Variants in ERC1 observed in about 807,000 individuals in gnomAD.
ERC1 encodes the protein ELKS/RAB6-interacting/CAST family member 1.
In ERC1, 56 loss-of-function variants were observed where a neutral mutation model predicts 132.0. That is an observed-to-expected ratio of 0.42 (90% CI 0.34 to 0.53). The LOEUF (loss-of-function observed/expected upper bound fraction) is 0.53. ERC1 is among the 20% of genes least tolerant of loss of function. ERC1 has a pLI of 0.03. For missense variants in ERC1, 1,202 were observed against 1,349.9 expected (o/e 0.89, Z 1.72); for synonymous variants, 478 against 476.1 (o/e 1.00, Z -0.05).
rs57334239 is a variant in ERC1, at chr12:1,289,084, TACACACAC to T, written c.2620-728_2620-721del. ...TTCTGTCTCCTTTCTATCTGGTATGTACACACACACACACACACACACACACACACACA... is the reference window on the plus strand; with the variant it reads ...TTCTGTCTCCTTTCTATCTGGTATGTACACACACACACACACACACACACA... On this transcript the variant is annotated intron_variant, in intron 14 of 18. Coordinates refer to ENST00000360905, the MANE Select transcript of ERC1 (RefSeq NM_178040.4). 5.7e-3 allele frequency among the ~76,000 whole-genome samples: 583 copies of T among 102,868 alleles called. 6 individuals are homozygous for T. Among genetic ancestry groups the T allele is most frequent in the Middle Eastern group, 0.023 (5 of 222 alleles). The allele number at this position is 102,868 out of a possible 152,430, so 67.5% of individuals were successfully genotyped here.
At chr12:1,087,807 TGA>T (rs1454189729) in intron 3 of ERC1, among the ~76,000 whole-genome samples, 19 of 15,074 alleles carry the variant, frequency 1.3e-3, no homozygotes, top group East Asian at 2.5e-3. Context: ...TTGAAAGTGC[TGA>T]GATTACAGGC....
Position 1,188,213 on chromosome 12 carries a change from A to G in ERC1, c.2158-1646A>G, listed in dbSNP as rs114966297. On this transcript the variant is annotated intron_variant, in intron 11 of 18. Transcript: ENST00000360905. ...TTCGTCACCTTCTTTCTTCGTAGAT[A>G]CTAAGAATTTTCTCAGTTACTTCTG... is the stretch of plus-strand genomic sequence containing the variant. Among the ~76,000 whole-genome samples, 1,079 of 152,274 alleles carry G rather than the reference A, an allele frequency of 7.1e-3. 17 individuals are homozygous for G. The highest frequency in any genetic ancestry group is 0.023 in the African/African-American group (969 of 41,522).
intron 14 of ERC1, among the ~76,000 whole-genome samples, chr12:1,280,973 T>C (rs1169876904): frequency 6.6e-6 from 1 of 152,224 alleles, no homozygotes; most frequent in East Asian, 1.9e-4. Flanking sequence ...TGTGTCTAAT[T>C]AATGAAATGT....
chr12:1,019,762 TAGTGC>T (rs1966057235), intron 1 of ERC1, among the ~76,000 whole-genome samples: 1 of 152,050 alleles, frequency 6.6e-6, no homozygotes, highest in Non-Finnish European at 1.5e-5. Flanking sequence ...ATCCACGCTG[TAGTGC>T]AGTGGAACTA....
chr12:1,149,314 T>C, intron 8 of ERC1, among the ~76,000 whole-genome samples: 1 of 152,262 alleles, frequency 6.6e-6, no homozygotes, highest in South Asian at 2.1e-4. Flanking sequence ...GTTTAAACTT[T>C]TGAAATTTTG....
Position 1,031,939 on chromosome 12 carries a change from A to G in ERC1, c.669+3367A>G, listed in dbSNP as rs1046373453. 8.5e-5 allele frequency among the ~76,000 whole-genome samples: 13 copies of G among 152,234 alleles called. No homozygotes were observed. In the East Asian group the frequency reaches 1.9e-3, roughly 23 times the overall value. On this transcript the variant is annotated intron_variant, in intron 2 of 18. Transcript: ENST00000360905. ...CCTCCCTTCATACCAGCTAAGTACA[A>G]TCTCTGGAGATGGGGTCCAGGAACT...
At chr12:1,367,034 T>A (rs1192255316) in intron 15 of ERC1, among the ~76,000 whole-genome samples, 1 of 152,186 alleles carries the variant, frequency 6.6e-6, no homozygotes, top group Non-Finnish European at 1.5e-5. Flanking sequence ...GTAGTGTATC[T>A]ACCATAGTCT....
intron 15 of ERC1, among the ~76,000 whole-genome samples, chr12:1,313,628 C>T (rs891955263): frequency 1.2e-4 from 19 of 152,014 alleles, no homozygotes; most frequent in East Asian, 5.8e-4. Flanking sequence ...ATGTAAAGAC[C>T]GAAAACATTT....
chr12:993,285 C>T (rs1458498403), intron 1 of ERC1, among the ~76,000 whole-genome samples: 1 of 152,128 alleles, frequency 6.6e-6, no homozygotes, highest in Admixed American at 6.5e-5. Flanking sequence ...TTAATTGGGA[C>T]AAATGTGAAC....
chr12:996,344 C>T (rs1462266931), intron 1 of ERC1, among the ~76,000 whole-genome samples: 6 of 147,782 alleles, frequency 4.1e-5, no homozygotes, highest in East Asian at 2.0e-4. Flanking sequence ...CCTCATGATC[C>T]GCGCGCCTTG....
intron 15 of ERC1, among the ~76,000 whole-genome samples, chr12:1,310,810 G>A (rs996431074): frequency 1.3e-5 from 2 of 152,270 alleles, no homozygotes; most frequent in Admixed American, 6.5e-5. Flanking sequence ...TAGAGAACAT[G>A]ACTTTATATT....
At chr12:1,421,870 A>C (rs928093338) in intron 17 of ERC1, among the ~76,000 whole-genome samples, 2 of 151,576 alleles carry the variant, frequency 1.3e-5, no homozygotes. Flanking sequence ...ACAAAAAAAA[A>C]AAAAAATTAG....
At position 1,298,554 on chromosome 12, in the gene ERC1, AAACAAAC is replaced by A. The variant is rs1566521325; in HGVS notation, c.2780+8545_2780+8551del. Among the ~76,000 whole-genome samples the A allele has an allele frequency of 3.4e-5, 5 of 146,058 alleles. 1 individual carries two copies. The highest frequency in any genetic ancestry group is 7.7e-5 in the Non-Finnish European group (5 of 65,340). Reference sequence around the variant, plus strand: ...CGAGACTCTGTCACAAAAAAAAAAAAAACAAACAAACAAAGAAAAAGCACCTGAAGAG... The same window carrying A: ...CGAGACTCTGTCACAAAAAAAAAAAAAAACAAAGAAAAAGCACCTGAAGAG... On this transcript the variant is annotated intron_variant, in intron 15 of 18. Coordinates refer to ENST00000360905, the MANE Select transcript of ERC1 (RefSeq NM_178040.4).
intron 2 of ERC1, among the ~76,000 whole-genome samples, chr12:1,032,744 C>T (rs959184438): frequency 3.3e-5 from 5 of 152,192 alleles, no homozygotes; most frequent in Middle Eastern, 3.4e-3. Context: ...GTTGTCAGTA[C>T]AATACTGACT....
intron 17 of ERC1, among the ~76,000 whole-genome samples, chr12:1,439,624 C>G (rs1383964247): frequency 1.3e-5 from 2 of 152,170 alleles, no homozygotes; most frequent in African/African-American, 2.4e-5. Flanking sequence ...CATTTTTTAA[C>G]TTCTTTTTTC....
chr12:998,402 G>A (rs1333842133), intron 1 of ERC1: 7 of 152,150 alleles, frequency 4.6e-5, no homozygotes, highest in African/African-American at 1.7e-4. Flanking sequence ...ATCTCAAAGC[G>A]CTACTTGGGG....
chr12:1,291,452 G>T (rs1171359103), intron 15 of ERC1, among the ~76,000 whole-genome samples: 1 of 152,132 alleles, frequency 6.6e-6, no homozygotes, highest in Non-Finnish European at 1.5e-5. Flanking sequence ...TATTTTAAAG[G>T]TTTAAATTAT....
intron 2 of ERC1, among the ~76,000 whole-genome samples, chr12:1,075,747 A>G (rs1055938926): frequency 1.3e-5 from 2 of 152,158 alleles, no homozygotes; most frequent in Admixed American, 1.3e-4. Context: ...AAAAAAAGAA[A>G]ATCACAAGGA....
Position 1,467,652 on chromosome 12 carries a change from A to G in ERC1, c.3214-22441A>G, listed in dbSNP as rs563173835. On this transcript the variant is annotated intron_variant, in intron 18 of 18. Transcript: ENST00000360905. Reference sequence around the variant, plus strand: ...TTTCAGGATAATTGAAGCACATTACATTTATTGTGCACTTTATTTCTGTTA... The same window carrying G: ...TTTCAGGATAATTGAAGCACATTACGTTTATTGTGCACTTTATTTCTGTTA... Among the ~76,000 whole-genome samples, 29 of 152,300 alleles carry G rather than the reference A, an allele frequency of 1.9e-4. 1 individual carries two copies. The South Asian group carries it at 5.4e-3, about 28-fold the overall frequency.
Sources: allele counts gnomAD v4.1 joint callset (sites outside exome capture counted in the v4.1 genomes callset), GRCh38; gene constraint gnomAD v4.1.1; transcripts MANE v1.5; gene names NCBI Gene and HGNC (gene_info 2026-07-23, HGNC 2026-07-21).